The following VWA8 variants were observed in gnomAD, a reference collection of about 807,000 sequenced individuals.
VWA8 encodes the protein von Willebrand factor A domain containing 8, also known as von Willebrand factor A domain-containing protein 8.
Under a neutral mutation model 241.5 loss-of-function variants are expected in VWA8, and 221 were observed. That is an observed-to-expected ratio of 0.91 (90% CI 0.82 to 1.02). The LOEUF (loss-of-function observed/expected upper bound fraction) is 1.02. Ranked by LOEUF, VWA8 falls within the 50% of genes least tolerant of loss-of-function variation. The pLI, the probability that VWA8 is intolerant of heterozygous loss-of-function variation, is 0.00. For missense variants in VWA8, 2,322 were observed against 2,328.7 expected (o/e 1.00, Z 0.06); for synonymous variants, 852 against 827.1 (o/e 1.03, Z -0.52).
intron 37 of VWA8, among the ~76,000 whole-genome samples, chr13:41,653,203 A>G (rs1384751655): frequency 6.6e-6 from 1 of 152,212 alleles, no homozygotes; most frequent in Non-Finnish European, 1.5e-5. Flanking sequence ...CTTGTTCACA[A>G]TAAAACTGCC....
At chr13:41,600,602 T>G (rs1276614850) in intron 40 of VWA8, among the ~76,000 whole-genome samples, 4 of 152,082 alleles carry the variant, frequency 2.6e-5, no homozygotes, top group Non-Finnish European at 5.9e-5. Context: ...AAACCCTATC[T>G]AGTCCTCACC....
At chr13:41,781,888 C>T (rs776609544) in intron 19 of VWA8, among the ~76,000 whole-genome samples, 16 of 152,096 alleles carry the variant, frequency 1.1e-4, no homozygotes, top group Non-Finnish European at 2.1e-4. Context: ...ATGGAAAACA[C>T]GTTTTAAAAG....
At chr13:41,719,522 T>G in intron 26 of VWA8, 69 bp downstream of exon 26, 1 of 1,603,446 alleles carries the variant, frequency 6.2e-7, no homozygotes, top group Non-Finnish European at 8.5e-7. Flanking sequence ...AACTCAGTTT[T>G]GTAGAATGGA....
chr13:41,903,950 G>A (rs1363226709), intron 4 of VWA8, among the ~76,000 whole-genome samples: 1 of 152,138 alleles, frequency 6.6e-6, no homozygotes, highest in East Asian at 1.9e-4. Flanking sequence ...CCTCAGTCAC[G>A]GGCTCCGAAG....
At chr13:41,855,436 G>A (rs1872710167) in intron 12 of VWA8, among the ~76,000 whole-genome samples, 1 of 148,150 alleles carries the variant, frequency 6.7e-6, no homozygotes, top group African/African-American at 2.5e-5. Context: ...TAAAGCTACT[G>A]TAGAAGAAAG....
intron 37 of VWA8, among the ~76,000 whole-genome samples, chr13:41,638,852 G>A (rs1407746624): frequency 2.0e-5 from 3 of 152,144 alleles, no homozygotes; most frequent in Non-Finnish European, 2.9e-5. Context: ...GCTGATGGGA[G>A]GAATCCATAA....
chr13:41,937,174 T>C (rs1877390442), intron 2 of VWA8, among the ~76,000 whole-genome samples: 1 of 152,196 alleles, frequency 6.6e-6, no homozygotes, highest in South Asian at 2.1e-4. Flanking sequence ...CCAACCTTTT[T>C]GATACCAGGG....
intron 14 of VWA8, among the ~76,000 whole-genome samples, chr13:41,819,890 G>A (rs913181614): frequency 1.3e-5 from 2 of 152,126 alleles, no homozygotes; most frequent in African/African-American, 4.8e-5. Context: ...TTAAAATTTA[G>A]ATTGGGAATA....
chr13:41,625,658 G>A (rs1018096286), intron 37 of VWA8, among the ~76,000 whole-genome samples: 3 of 152,080 alleles, frequency 2.0e-5, no homozygotes, highest in Non-Finnish European at 4.4e-5. Flanking sequence ...TTCAACCATT[G>A]TGGAAGACAG....
At chr13:41,943,915 C>A (rs1265542168) in intron 2 of VWA8, among the ~76,000 whole-genome samples, 1 of 151,766 alleles carries the variant, frequency 6.6e-6, no homozygotes, top group East Asian at 1.9e-4. Flanking sequence ...CAGCCTGGGC[C>A]AACAGGGTAA....
intron 20 of VWA8, among the ~76,000 whole-genome samples, chr13:41,765,958 G>A (rs2045776307): frequency 6.6e-6 from 1 of 152,156 alleles, no homozygotes; most frequent in African/African-American, 2.4e-5. Context: ...CTGCTGGACT[G>A]TGCTCTTCAT....
Position 41,703,390 on chromosome 13 carries a change from C to A in VWA8, c.3138G>T (p.Thr1046=). 6.2e-7 allele frequency: 1 copy of A among 1,614,028 alleles called. No homozygotes were observed. The highest frequency in any genetic ancestry group is 8.5e-7 in the Non-Finnish European group (1 of 1,179,944). The change falls in exon 27 of 45, where the codon ACG becomes ACT. Residue 1046 remains threonine (T), a synonymous_variant. Coordinates refer to ENST00000379310, the MANE Select transcript of VWA8 (RefSeq NM_015058.2). The part of the protein sequence containing the change: ...LAKELTLPEQ[T]FMGYWTIGQA... ...GACCAATTGTCCAGTAGCCCATGAACGTTTGTTCTGGCAGAGTCAACCTGT... is the reference window on the plus strand; with the variant it reads ...GACCAATTGTCCAGTAGCCCATGAAAGTTTGTTCTGGCAGAGTCAACCTGT...
chr13:41,608,332 A>C lies in VWA8; in HGVS notation c.4878-3056T>G, dbSNP rs184515417. ...GATGACTGAAGCAAGGGATGTAGAA[A>C]GAAAAGAAATTTTAGCCTCTGGATC... is the stretch of plus-strand genomic sequence containing the variant. On this transcript the variant is annotated intron_variant, in intron 39 of 44. Transcript: ENST00000379310. Among the ~76,000 whole-genome samples the C allele has an allele frequency of 3.9e-5, 6 of 152,284 alleles. No homozygotes were observed. The East Asian group carries it at 7.7e-4, about 20-fold the overall frequency.
chr13:41,573,137 C>T (rs2044321330), intron 43 of VWA8, among the ~76,000 whole-genome samples: 1 of 150,026 alleles, frequency 6.7e-6, no homozygotes, highest in African/African-American at 2.5e-5. Flanking sequence ...AGAAACAAGC[C>T]AGGCACGGTG....
chr13:41,892,260 T>C (rs1874882018), intron 4 of VWA8, among the ~76,000 whole-genome samples: 5 of 152,068 alleles, frequency 3.3e-5, no homozygotes, highest in Admixed American at 3.3e-4. Context: ...ATGAAAAAAA[T>C]ATTTTCCTTT....
intron 37 of VWA8, among the ~76,000 whole-genome samples, chr13:41,625,279 T>A (rs1203233345): frequency 6.6e-6 from 1 of 151,952 alleles, no homozygotes; most frequent in Non-Finnish European, 1.5e-5. Context: ...GAAACTACCA[T>A]CAGAGTGAAC....
chr13:41,661,001 G>C (rs984669775), intron 37 of VWA8, among the ~76,000 whole-genome samples: 1 of 151,964 alleles, frequency 6.6e-6, no homozygotes, highest in African/African-American at 2.4e-5. Flanking sequence ...AAGTAGCTGG[G>C]ACTACAGGCG....
At chr13:41,666,928 A>G (rs1419112511) in intron 37 of VWA8, among the ~76,000 whole-genome samples, 2 of 152,184 alleles carry the variant, frequency 1.3e-5, no homozygotes, top group African/African-American at 2.4e-5. Flanking sequence ...AAAGATTCCC[A>G]AAGACACATG....
intron 4 of VWA8, among the ~76,000 whole-genome samples, chr13:41,898,204 A>C (rs1401986694): frequency 6.7e-6 from 1 of 150,266 alleles, no homozygotes; most frequent in African/African-American, 2.5e-5. Context: ...AGGTTCTCCA[A>C]GGCCCCACCA....
Sources: gnomAD v4.1 joint callset for allele counts (sites outside exome capture counted in the v4.1 genomes callset) on GRCh38, gnomAD v4.1.1 for gene constraint, MANE v1.5 for transcripts, NCBI Gene and HGNC (gene_info 2026-07-23, HGNC 2026-07-21) for gene names.